The following UBE2Q2 variants were observed in gnomAD, a reference collection of about 807,000 sequenced individuals.
UBE2Q2 encodes ubiquitin-conjugating enzyme E2 Q2.
UBE2Q2 carries 54 observed loss-of-function variants against 59.9 expected under a neutral mutation model. That is an observed-to-expected ratio of 0.90 (90% CI 0.72 to 1.13). The LOEUF is 1.13. Among genes scored for constraint, UBE2Q2 ranks in the 50% most tolerant of loss-of-function variants. The pLI is 0.00. For missense variants in UBE2Q2, 433 were observed against 441.9 expected (o/e 0.98, Z 0.18); for synonymous variants, 165 against 155.2 (o/e 1.06, Z -0.47).
At position 75,856,246 on chromosome 15, in the gene UBE2Q2, C is replaced by CGTGTGTGTGT. The variant is rs370925975; in HGVS notation, c.282+1774_282+1783dup. Among the ~76,000 whole-genome samples, 470 of 135,686 alleles carry CGTGTGTGTGT rather than the reference C, an allele frequency of 3.5e-3. 5 individuals are homozygous for CGTGTGTGTGT. Among genetic ancestry groups the CGTGTGTGTGT allele is most frequent in the African/African-American group, 0.011 (378 of 34,402 alleles). 89.0% of individuals were successfully genotyped at this position (135,686 alleles called of 152,430 possible). On this transcript the variant is annotated intron_variant, in intron 2 of 12. Coordinates refer to ENST00000267938, the MANE Select transcript of UBE2Q2 (RefSeq NM_173469.4). ...ACATGTATGTGTATATGTGTATATA[C>CGTGTGTGTGT]GTGTGTGTGTGTGTGTGTGTGTGTA...
chr15:75,866,734 A>G (rs915366650), intron 3 of UBE2Q2, among the ~76,000 whole-genome samples: 8 of 152,108 alleles, frequency 5.3e-5, no homozygotes, highest in Admixed American at 2.6e-4. Flanking sequence ...TCAAGTCCAT[A>G]GTACTCTGGC....
intron 8 of UBE2Q2, among the ~76,000 whole-genome samples, chr15:75,879,793 C>A (rs1442276490): frequency 2.0e-5 from 3 of 150,568 alleles, no homozygotes; most frequent in Non-Finnish European, 4.4e-5. Flanking sequence ...CTTAGGGGGG[C>A]AAAAATGAAA....
chr15:75,859,771 AC>A, intron 2 of UBE2Q2, 106 bp from the exon 3 acceptor site: 1 of 714,050 alleles, frequency 1.4e-6, no homozygotes, highest in South Asian at 2.7e-5. Context: ...TTGAGCAGTA[AC>A]AAACTTTTTC....
rs1417339690 is a variant in UBE2Q2 at position 75,888,582 on chromosome 15, C to T, written c.885-1853C>T. On this transcript the variant is annotated intron_variant, in intron 9 of 12. Transcript: ENST00000267938. ...GAACTGTCTCAGTATTCAGCAGGAA[C>T]CCTTTGGAGGCAAAGAGCAGTAAGA... 5.3e-5 allele frequency among the ~76,000 whole-genome samples: 8 copies of T among 152,208 alleles called. No individual in the cohort carries two copies. The South Asian group carries it at 1.5e-3, about 28-fold the overall frequency.
intron 2 of UBE2Q2, among the ~76,000 whole-genome samples, chr15:75,856,349 C>G (rs892024733): frequency 2.7e-4 from 41 of 150,860 alleles, no homozygotes; most frequent in East Asian, 1.7e-3. Context: ...CAAAATGACT[C>G]TAACATTTGT....
At chr15:75,847,050 G>A (rs1489514658) in intron 1 of UBE2Q2, among the ~76,000 whole-genome samples, 1 of 151,822 alleles carries the variant, frequency 6.6e-6, no homozygotes, top group East Asian at 1.9e-4. Context: ...CCCTTCTTTA[G>A]TCCTTACTAT....
Position 75,899,462 on chromosome 15 carries a change from T to C in UBE2Q2, c.*4T>C, listed in dbSNP as rs369281797. 5 of 1,589,872 alleles carry C rather than the reference T, an allele frequency of 3.1e-6. No homozygotes were observed. Among genetic ancestry groups the C allele is most frequent in the Admixed American group, 3.5e-5 (2 of 57,706 alleles). On this transcript the variant is annotated 3_prime_UTR_variant, in exon 13 of 13. Coordinates refer to ENST00000267938, the MANE Select transcript of UBE2Q2 (RefSeq NM_173469.4). ...CCCTCCAAAGGAAGATGGCTAAATG[T>C]GTTGACTGTTGTATGTTTGGACTAA...
chr15:75,843,909 C>A (rs544349081), intron 1 of UBE2Q2, 63 bp downstream of exon 1: 74 of 1,479,216 alleles, frequency 5.0e-5, no homozygotes, highest in Non-Finnish European at 6.4e-5. Flanking sequence ...GCTTCGAGTC[C>A]CGGGACAAAG....
chr15:75,866,889 A>G (rs1487938270), intron 3 of UBE2Q2, among the ~76,000 whole-genome samples: 3 of 152,244 alleles, frequency 2.0e-5, no homozygotes, highest in South Asian at 2.1e-4. Context: ...TTAAAATTCT[A>G]TTTATTTCCT....
chr15:75,857,455 T>G (rs1249651753), intron 2 of UBE2Q2, among the ~76,000 whole-genome samples: 1 of 152,182 alleles, frequency 6.6e-6, no homozygotes, highest in Admixed American at 6.5e-5. Flanking sequence ...CTCCCACTCT[T>G]GCAGCCTCTG....
intron 1 of UBE2Q2, among the ~76,000 whole-genome samples, chr15:75,853,237 T>C (rs1896720223): frequency 1.3e-5 from 2 of 152,082 alleles, no homozygotes; most frequent in African/African-American, 4.8e-5. Flanking sequence ...TTTGGGAGGC[T>C]GAGGTGGGCT....
intron 2 of UBE2Q2, among the ~76,000 whole-genome samples, chr15:75,857,498 T>G (rs1259435525): frequency 6.6e-6 from 1 of 152,218 alleles, no homozygotes; most frequent in Admixed American, 6.5e-5. Flanking sequence ...CTTGAGAGAA[T>G]AAGCTACATG....
intron 5 of UBE2Q2, among the ~76,000 whole-genome samples, chr15:75,874,430 T>TA (rs1370778167): frequency 6.6e-6 from 1 of 151,926 alleles, no homozygotes; most frequent in Non-Finnish European, 1.5e-5. Flanking sequence ...ATTATAGGTG[T>TA]ACACCACCAC....
chr15:75,867,830 T>C (rs538966426), intron 3 of UBE2Q2, among the ~76,000 whole-genome samples: 1 of 152,304 alleles, frequency 6.6e-6, no homozygotes, highest in Admixed American at 6.5e-5. Context: ...TTGGGAGTTT[T>C]AGGCTAGGTA....
intron 2 of UBE2Q2, among the ~76,000 whole-genome samples, chr15:75,855,880 C>T (rs1441108031): frequency 2.0e-5 from 3 of 152,090 alleles, no homozygotes; most frequent in African/African-American, 7.2e-5. Flanking sequence ...ATCGCCATGT[C>T]TTCATATTCG....
At chr15:75,865,449 A>G (rs1207806860) in intron 3 of UBE2Q2, among the ~76,000 whole-genome samples, 1 of 152,128 alleles carries the variant, frequency 6.6e-6, no homozygotes, top group Non-Finnish European at 1.5e-5. Context: ...GGTTGTTTCC[A>G]GTGTTAGGAA....
At chr15:75,846,288 A>G (rs1025630324) in intron 1 of UBE2Q2, among the ~76,000 whole-genome samples, 3 of 152,084 alleles carry the variant, frequency 2.0e-5, no homozygotes, top group Admixed American at 6.6e-5. Flanking sequence ...TCCCAGCTGG[A>G]GTGCAGTGGT....
chr15:75,856,770 C>T (rs1896940564), intron 2 of UBE2Q2, among the ~76,000 whole-genome samples: 2 of 152,008 alleles, frequency 1.3e-5, no homozygotes, highest in South Asian at 2.1e-4. Context: ...ATGGCGAAAC[C>T]CCATCTCTAC....
intron 1 of UBE2Q2, among the ~76,000 whole-genome samples, chr15:75,849,259 T>C (rs118148099): frequency 2.0e-5 from 3 of 152,332 alleles, no homozygotes; most frequent in Non-Finnish European, 4.4e-5. Context: ...CCCACATTTA[T>C]TGAACAGCAA....
Sources: allele counts gnomAD v4.1 joint callset (sites outside exome capture counted in the v4.1 genomes callset), GRCh38; gene constraint gnomAD v4.1.1; transcripts MANE v1.5; gene names NCBI Gene and HGNC (gene_info 2026-07-23, HGNC 2026-07-21).